The following LINGO2 variants were observed in gnomAD, a reference collection of about 807,000 sequenced individuals.
The protein encoded by LINGO2 is leucine-rich repeat and immunoglobulin-like domain-containing nogo receptor-interacting protein 2.
LINGO2 carries 14 observed loss-of-function variants against 30.6 expected under a neutral mutation model. The observed-to-expected ratio is 0.46, with a 90% CI of 0.30 to 0.72. The LOEUF (loss-of-function observed/expected upper bound fraction) is 0.72, where lower values mean the gene tolerates loss of function less well. LINGO2 is among the 30% of genes least tolerant of loss of function. LINGO2 has a pLI of 0.07. For synonymous variants in LINGO2, 317 were observed against 288.5 expected (o/e 1.10, Z -1.00); for missense variants, 729 against 751.7 (o/e 0.97, Z 0.35).
At chr9:29,126,694 AAAATACAG>A in the LINGO2 span, among the ~76,000 whole-genome samples, 1 of 152,048 alleles carries the variant, frequency 6.6e-6, no homozygotes, top group South Asian at 2.1e-4. Context: ...GGGGAAAGAA[AAAATACAG>A]AACTTCGCAA....
intron 3 of LINGO2, among the ~76,000 whole-genome samples, chr9:28,368,956 G>A (rs1820793505): frequency 6.6e-6 from 1 of 152,110 alleles, no homozygotes; most frequent in African/African-American, 2.4e-5. Context: ...TACTTCTCCA[G>A]TTGAATTACA....
chr9:29,125,432 A>ATAT, the LINGO2 span, among the ~76,000 whole-genome samples: 6,132 of 151,622 alleles, frequency 0.04, 186 homozygotes, highest in Admixed American at 0.079. Flanking sequence ...AAAATTTAAA[A>ATAT]ATATATATAT....
intron 1 of LINGO2, among the ~76,000 whole-genome samples, chr9:28,654,374 C>G (rs533215035): frequency 1.3e-5 from 2 of 152,068 alleles, no homozygotes; most frequent in African/African-American, 4.8e-5. Flanking sequence ...CACTTTAAAT[C>G]TGACATTGAA....
At chr9:28,875,874 C>G in the LINGO2 span, among the ~76,000 whole-genome samples, 28 of 152,180 alleles carry the variant, frequency 1.8e-4, no homozygotes, top group African/African-American at 6.7e-4. Context: ...GGTCCTAATG[C>G]TTAATACATT....
the LINGO2 span, among the ~76,000 whole-genome samples, chr9:28,965,233 G>A: frequency 5.3e-5 from 8 of 151,944 alleles, 1 homozygote; most frequent in Admixed American, 3.9e-4. Flanking sequence ...TAAGTAGAAA[G>A]TGAATAGTGA....
chr9:28,420,518 A>G (rs1274354510), intron 2 of LINGO2, among the ~76,000 whole-genome samples: 1 of 151,996 alleles, frequency 6.6e-6, no homozygotes, highest in Non-Finnish European at 1.5e-5. Context: ...TTCATATATC[A>G]CTTCCCATCT....
the LINGO2 span, among the ~76,000 whole-genome samples, chr9:29,051,202 C>T: frequency 1.2e-4 from 18 of 152,226 alleles, no homozygotes; most frequent in African/African-American, 3.6e-4. Context: ...ATACATTCTA[C>T]GGGTTTGGAC....
intron 1 of LINGO2, among the ~76,000 whole-genome samples, chr9:28,506,411 TATATATATATACACACAC>T (rs1273297081): frequency 6.8e-4 from 5 of 7,306 alleles, no homozygotes; most frequent in African/African-American, 1.0e-3. Flanking sequence ...TATATATATA[TATATATATATACACACAC>T]ACACACACAC....
At chr9:28,261,362 C>A (rs1448604932) in intron 4 of LINGO2, among the ~76,000 whole-genome samples, 1 of 151,866 alleles carries the variant, frequency 6.6e-6, no homozygotes, top group Non-Finnish European at 1.5e-5. Flanking sequence ...AGTAACATCA[C>A]AAGTTTTTAA....
chr9:28,424,024 T>A (rs889711387), intron 2 of LINGO2, among the ~76,000 whole-genome samples: 1 of 152,220 alleles, frequency 6.6e-6, no homozygotes, highest in African/African-American at 2.4e-5. Flanking sequence ...GTGTTAAGAC[T>A]GGTATTATGG....
the LINGO2 span, among the ~76,000 whole-genome samples, chr9:28,806,572 C>A: frequency 6.6e-6 from 1 of 152,110 alleles, no homozygotes; most frequent in African/African-American, 2.4e-5. Context: ...ACCTTATCAC[C>A]TTTTTTGGTT....
At chr9:29,000,639 C>G in the LINGO2 span, among the ~76,000 whole-genome samples, 1 of 151,846 alleles carries the variant, frequency 6.6e-6, no homozygotes, top group Non-Finnish European at 1.5e-5. Flanking sequence ...CTACTCCATA[C>G]GCAATACGAA....
intron 4 of LINGO2, chr9:28,149,192 A>G (rs1482557540): frequency 2.9e-5 from 37 of 1,256,826 alleles, no homozygotes; most frequent in Non-Finnish European, 4.0e-5. Flanking sequence ...GCTTAGGAGG[A>G]GAAAGAAGAG....
At chr9:28,218,759 G>A (rs913275326) in intron 4 of LINGO2, among the ~76,000 whole-genome samples, 5 of 152,144 alleles carry the variant, frequency 3.3e-5, no homozygotes, top group Admixed American at 2.6e-4. Flanking sequence ...CCTATAACTG[G>A]ATTTCTGCCC....
chr9:28,885,771 G>A, the LINGO2 span, among the ~76,000 whole-genome samples: 61 of 152,140 alleles, frequency 4.0e-4, no homozygotes, highest in East Asian at 6.8e-3. Flanking sequence ...CTTCCCAGGT[G>A]GTGGAACATT....
intron 4 of LINGO2, among the ~76,000 whole-genome samples, chr9:28,032,572 C>T (rs1214829278): frequency 1.3e-5 from 2 of 152,184 alleles, no homozygotes; most frequent in Non-Finnish European, 2.9e-5. Flanking sequence ...CTGAAAGCAG[C>T]TTGACAAAGG....
At chr9:27,967,061 G>T (rs1482941435) in intron 5 of LINGO2, among the ~76,000 whole-genome samples, 1 of 152,050 alleles carries the variant, frequency 6.6e-6, no homozygotes, top group African/African-American at 2.4e-5. Context: ...TTAATTAGTT[G>T]GTGCTGAATG....
At chr9:28,159,771 G>T (rs896548273) in intron 4 of LINGO2, among the ~76,000 whole-genome samples, 1 of 152,162 alleles carries the variant, frequency 6.6e-6, no homozygotes, top group Admixed American at 6.5e-5. Flanking sequence ...TTACCAGATT[G>T]CTTAACTAAC....
the LINGO2 span, among the ~76,000 whole-genome samples, chr9:29,015,121 G>A: frequency 6.6e-6 from 1 of 152,110 alleles, no homozygotes; most frequent in Non-Finnish European, 1.5e-5. Context: ...GACATAGAGT[G>A]TGGAGTGATA....
Sources: allele counts gnomAD v4.1 joint callset (sites outside exome capture counted in the v4.1 genomes callset), GRCh38; gene constraint gnomAD v4.1.1; transcripts MANE v1.5; gene names NCBI Gene and HGNC (gene_info 2026-07-23, HGNC 2026-07-21).